Variants in EZR observed in about 807,000 individuals in gnomAD.
The protein encoded by EZR is cytovillin 2.
Under a neutral mutation model 74.8 loss-of-function variants are expected in EZR, and 40 were observed. The observed-to-expected ratio is 0.53, with a 90% CI of 0.42 to 0.70. EZR has a LOEUF of 0.70. Among genes scored for constraint, EZR ranks in the 30% least tolerant of loss-of-function variants. The pLI is 0.00. For missense variants in EZR, 678 were observed against 755.8 expected, an observed-to-expected ratio of 0.90 and a Z score of 1.21; for synonymous variants, 341 against 283.3, an observed-to-expected ratio of 1.20 and a Z score of -2.05.
At chr6:158,793,670 C>T (rs1268480088) in intron 2 of EZR, among the ~76,000 whole-genome samples, 1 of 152,112 alleles carries the variant, frequency 6.6e-6, no homozygotes, top group Non-Finnish European at 1.5e-5. Flanking sequence ...TTAAGCCATC[C>T]AATGACTGAG....
chr6:158,768,362 A>G (rs188986538), intron 12 of EZR, among the ~76,000 whole-genome samples: 43 of 148,654 alleles, frequency 2.9e-4, no homozygotes, highest in African/African-American at 9.9e-4. Context: ...TTCTTTAACT[A>G]CCCAGTCTCA....
intron 13 of EZR, 57 bp downstream of exon 13, chr6:158,767,204 C>G (rs1381528635): frequency 1.3e-6 from 2 of 1,584,940 alleles, no homozygotes; most frequent in African/African-American, 1.3e-5. Context: ...CCTCCCCAAG[C>G]CTGTCTGCTC....
intron 2 of EZR, among the ~76,000 whole-genome samples, chr6:158,807,885 G>A (rs374581612): frequency 1.3e-5 from 2 of 152,128 alleles, no homozygotes; most frequent in African/African-American, 4.8e-5. Flanking sequence ...AGAGCATTTT[G>A]CCATTGAGGA....
rs974837441 is a variant in EZR, at chr6:158,776,377, T to C, written c.795+31A>G. 2.2e-5 allele frequency: 34 copies of C among 1,527,002 alleles called. 1 individual carries two copies. The highest frequency in any genetic ancestry group is 4.5e-6 in the Non-Finnish European group (5 of 1,100,754). The allele number at this position is 1,527,002 out of a possible 1,614,324, so 94.6% of individuals were successfully genotyped here. On this transcript the variant is annotated intron_variant, in intron 8 of 13. Transcript: ENST00000367075. ...TGACAAGTATAAGAATGAAAAACAG[T>C]AGCCCCTGAATAGAATCCTTTGGAA...
At chr6:158,794,347 T>C (rs1317908215) in intron 2 of EZR, among the ~76,000 whole-genome samples, 1 of 152,158 alleles carries the variant, frequency 6.6e-6, no homozygotes, top group Admixed American at 6.6e-5. Context: ...GCTTTGGCAA[T>C]TGAGAAAACA....
intron 1 of EZR, among the ~76,000 whole-genome samples, chr6:158,818,731 G>A (rs62431645): frequency 0.11 from 16,789 of 150,300 alleles, 939 homozygotes; most frequent in Middle Eastern, 0.15. Context: ...GCGCGCGCCT[G>A]GGAGAGAGAG....
chr6:158,803,527 TTATATATATATATATATGTA>T (rs1562504144), intron 2 of EZR, among the ~76,000 whole-genome samples: 1,047 of 20,284 alleles, frequency 0.052, 48 homozygotes, highest in Admixed American at 0.16. Context: ...TTATGTAACA[TTATATATATATATATATGTA>T]TATATATATA....
rs141238344 is a variant in EZR, at chr6:158,818,090, G to A, written c.4C>T (p.Pro2Ser). 6.2e-7 allele frequency: 1 copy of A among 1,608,662 alleles called. No individual in the cohort carries two copies. The highest frequency in any genetic ancestry group is 8.5e-7 in the Non-Finnish European group (1 of 1,176,462). MPKPINVRVTTM... is the reference protein window; with the variant it reads MSKPINVRVTTM... ...GAAACTGGGCAACTTACTGGTTTCG[G>A]CATTTTCGGTTTCTGGTGAGTATCC... Residue 2 changes from proline to serine, a missense_variant, in exon 2 of 14, where the codon CCG becomes TCG. Physicochemically the swap from Pro to Ser is moderately conservative, Grantham distance 74. This residue lies in a region of EZR where 217 missense variants were observed against 232.2 expected (regional missense o/e 0.93). Coordinates refer to ENST00000367075, the MANE Select transcript of EZR (RefSeq NM_001111077.2).
chr6:158,781,944 G>A (rs1791444224), intron 7 of EZR, among the ~76,000 whole-genome samples: 2 of 151,536 alleles, frequency 1.3e-5, no homozygotes, highest in African/African-American at 4.9e-5. Flanking sequence ...AATTTTGGTA[G>A]AGACGGGGTT....
At position 158,769,916 on chromosome 6, in the gene EZR, C is replaced by T. The variant is rs780548410; in HGVS notation, c.1119G>A (p.Leu373=). Residue 373 remains leucine, a synonymous_variant, in exon 11 of 14, where the codon CTG becomes CTA. Transcript: ENST00000367075. ...RELSEQIQRA[L]QLEEERKRAQ... ...CCCGCTTCCTCTCCTCCTCCAGCTG[C>T]AGGGCCCTCTGAATCTGCTCCGAGA... 1 of 1,612,542 alleles carries T rather than the reference C, an allele frequency of 6.2e-7. No homozygotes were observed. Among genetic ancestry groups the T allele is most frequent in the South Asian group, 1.1e-5 (1 of 91,082 alleles).
chr6:158,769,155 G>C (rs1305588002), intron 12 of EZR, among the ~76,000 whole-genome samples, 171 bp downstream of exon 12: 1 of 152,200 alleles, frequency 6.6e-6, no homozygotes, highest in Admixed American at 6.5e-5. Flanking sequence ...TACTTCAGTA[G>C]TACAGCTGGT....
chr6:158,802,418 T>A (rs550076822), intron 2 of EZR, among the ~76,000 whole-genome samples: 114 of 150,824 alleles, frequency 7.6e-4, no homozygotes, highest in African/African-American at 2.7e-3. Context: ...GATTTTTTGA[T>A]GCGTTGTTTA....
chr6:158,770,899 T>C lies in EZR; in HGVS notation c.960-5A>G. On this transcript the variant is annotated splice_region_variant and splice_polypyrimidine_tract_variant and intron_variant, in intron 9 of 13. Coordinates refer to ENST00000367075, the MANE Select transcript of EZR (RefSeq NM_001111077.2). ...TTCTCTGTTTCCAGCTGTTGCCTGG[T>C]GCAGGGAAAAAGAGGCACAGGGAGA... is the stretch of plus-strand genomic sequence containing the variant. The C allele has an allele frequency of 2.5e-6, 4 of 1,614,170 alleles. No individual in the cohort carries two copies. The South Asian group carries it at 4.4e-5, about 18-fold the overall frequency.
chr6:158,785,263 G>A, intron 5 of EZR, 46 bp downstream of exon 5: 3 of 1,600,610 alleles, frequency 1.9e-6, no homozygotes, highest in Non-Finnish European at 2.6e-6. Flanking sequence ...TCCCTGCCGA[G>A]GACGGCATGA....
At chr6:158,808,137 C>T (rs3127184) in intron 2 of EZR, among the ~76,000 whole-genome samples, 118,238 of 152,150 alleles carry the variant, frequency 0.78, 47,802 homozygotes, top group African/African-American at 0.91. Context: ...AAGAAGAATG[C>T]GTGTGTGGAG....
chr6:158,791,706 A>ATTTTTTTTTTTTTT (rs57581855), intron 2 of EZR, among the ~76,000 whole-genome samples: 14 of 96,262 alleles, frequency 1.5e-4, no homozygotes, highest in Admixed American at 2.4e-4. Flanking sequence ...TTCAGACTCC[A>ATTTTTTTTTTTTTT]TTTTTTTTTT....
At chr6:158,816,024 A>G (rs1432156760) in intron 2 of EZR, among the ~76,000 whole-genome samples, 2 of 152,254 alleles carry the variant, frequency 1.3e-5, no homozygotes, top group Non-Finnish European at 2.9e-5. Context: ...TGACATTGCA[A>G]CATGGATGAA....
chr6:158,770,287 G>C (rs964978642), intron 10 of EZR, among the ~76,000 whole-genome samples: 1 of 152,244 alleles, frequency 6.6e-6, no homozygotes, highest in Admixed American at 6.5e-5. Flanking sequence ...CATGTGTGCT[G>C]TAAGGGCTGC....
intron 2 of EZR, among the ~76,000 whole-genome samples, chr6:158,796,344 C>G (rs1297755716): frequency 6.6e-6 from 1 of 152,230 alleles, no homozygotes; most frequent in African/African-American, 2.4e-5. Context: ...AGTAACAATT[C>G]GCCTTATTAA....
Sources: allele counts gnomAD v4.1 joint callset (sites outside exome capture counted in the v4.1 genomes callset), GRCh38; gene constraint gnomAD v4.1.1; regional missense constraint gnomAD v4.1.1; transcripts MANE v1.5; gene names NCBI Gene and HGNC (gene_info 2026-07-23, HGNC 2026-07-21).